The following NLGN1 variants were observed in gnomAD, a reference collection of about 807,000 sequenced individuals.
The protein encoded by NLGN1 is neuroligin-1.
NLGN1 carries 12 observed loss-of-function variants against 65.5 expected under a neutral mutation model. The observed-to-expected ratio is 0.18, with a 90% CI of 0.12 to 0.30. The LOEUF (loss-of-function observed/expected upper bound fraction) is 0.30. Ranked by LOEUF, NLGN1 falls within the 10% of genes least tolerant of loss-of-function variation. NLGN1 has a pLI of 1.00. For missense variants in NLGN1, 750 were observed against 1,007.1 expected, an observed-to-expected ratio of 0.74 and a Z score of 3.46; for synonymous variants, 350 against 359.5, an observed-to-expected ratio of 0.97 and a Z score of 0.30.
At chr3:173,537,311 A>G (rs1341274079) in intron 2 of NLGN1, among the ~76,000 whole-genome samples, 2 of 152,202 alleles carry the variant, frequency 1.3e-5, no homozygotes, top group African/African-American at 4.8e-5. Flanking sequence ...CTATTATACA[A>G]GTCTCCTGCA....
At chr3:173,449,518 G>C (rs1381426593) in intron 2 of NLGN1, among the ~76,000 whole-genome samples, 91 of 145,046 alleles carry the variant, frequency 6.3e-4, no homozygotes, top group South Asian at 2.0e-3. Context: ...GTGGTGTGGT[G>C]CTGAAAAAAA....
intron 2 of NLGN1, among the ~76,000 whole-genome samples, chr3:173,452,487 A>G (rs1457733911): frequency 3.9e-5 from 6 of 151,900 alleles, no homozygotes; most frequent in Non-Finnish European, 2.9e-5. Flanking sequence ...GCCTGGCCTA[A>G]TTTTCTTGCC....
intron 4 of NLGN1, among the ~76,000 whole-genome samples, chr3:174,150,914 A>G (rs1577106193): frequency 6.6e-6 from 1 of 152,080 alleles, no homozygotes; most frequent in Admixed American, 6.6e-5. Context: ...AATTACATCA[A>G]CTACGTCCTC....
intron 4 of NLGN1, among the ~76,000 whole-genome samples, chr3:174,087,016 A>G (rs891474690): frequency 6.6e-6 from 1 of 152,206 alleles, no homozygotes; most frequent in Non-Finnish European, 1.5e-5. Flanking sequence ...AAACTAATAC[A>G]GGAACAGAAA....
chr3:174,078,525 G>A (rs902557599), intron 4 of NLGN1, among the ~76,000 whole-genome samples: 9 of 152,076 alleles, frequency 5.9e-5, no homozygotes, highest in African/African-American at 1.9e-4. Context: ...TTACACAAAA[G>A]TATATAGACA....
intron 4 of NLGN1, among the ~76,000 whole-genome samples, chr3:173,828,511 C>A (rs1192903323): frequency 6.6e-6 from 1 of 152,106 alleles, no homozygotes; most frequent in Non-Finnish European, 1.5e-5. Context: ...GGACACAGAG[C>A]AGCAAACACA....
rs1228810069 is a variant in NLGN1 at position 173,963,228 on chromosome 3, CA to C, written c.646+155397del. Among the ~76,000 whole-genome samples the C allele has an allele frequency of 2.6e-5, 4 of 152,024 alleles. No homozygotes were observed. In the East Asian group the frequency reaches 7.7e-4, roughly 29 times the overall value. Reference sequence around the variant, plus strand: ...TTTTCAATAACAAAGCAATGGGCGCCAGGGGGTGTTGAGTAATTGGATGGAA... The same window carrying C: ...TTTTCAATAACAAAGCAATGGGCGCCGGGGGTGTTGAGTAATTGGATGGAA... On this transcript the variant is annotated intron_variant, in intron 4 of 6. Transcript: ENST00000457714.
chr3:174,109,991 C>T (rs1051145146), intron 4 of NLGN1, among the ~76,000 whole-genome samples: 13 of 152,032 alleles, frequency 8.6e-5, no homozygotes, highest in Admixed American at 7.9e-4. Flanking sequence ...AAACCTAAAT[C>T]ACCATCTTTG....
At chr3:173,499,527 T>C (rs1340882105) in intron 2 of NLGN1, among the ~76,000 whole-genome samples, 2 of 151,890 alleles carry the variant, frequency 1.3e-5, no homozygotes. Flanking sequence ...AGGATTGACT[T>C]GGCAATGCAG....
At chr3:174,088,847 C>G (rs1743975822) in intron 4 of NLGN1, among the ~76,000 whole-genome samples, 3 of 151,484 alleles carry the variant, frequency 2.0e-5, no homozygotes, top group Non-Finnish European at 4.4e-5. Flanking sequence ...CAACAAGGAT[C>G]CAAATATTTC....
intron 5 of NLGN1, 147 bp from the exon 6 acceptor site, chr3:174,278,714 G>A (rs1751040168): frequency 1.6e-6 from 1 of 609,702 alleles, no homozygotes; most frequent in Admixed American, 3.8e-5. Flanking sequence ...TTGGCTTTGT[G>A]TACTTCCCTT....
At chr3:173,420,608 T>A (rs962326038) in intron 1 of NLGN1, among the ~76,000 whole-genome samples, 1 of 152,182 alleles carries the variant, frequency 6.6e-6, no homozygotes, top group African/African-American at 2.4e-5. Flanking sequence ...ATGGGATGAC[T>A]GGGTCAAATG....
intron 2 of NLGN1, among the ~76,000 whole-genome samples, chr3:173,594,989 G>A (rs2173439): frequency 0.87 from 132,797 of 152,064 alleles, 58,070 homozygotes; most frequent in South Asian, 0.93. Flanking sequence ...CCACAAAACC[G>A]TATTTTCCTC....
intron 4 of NLGN1, among the ~76,000 whole-genome samples, chr3:174,171,364 T>C (rs1160263090): frequency 2.0e-5 from 3 of 152,152 alleles, no homozygotes; most frequent in Non-Finnish European, 1.5e-5. Context: ...AAATTAACTA[T>C]AGGACAAAGC....
chr3:173,486,348 C>T (rs1488574701), intron 2 of NLGN1, among the ~76,000 whole-genome samples: 2 of 152,144 alleles, frequency 1.3e-5, no homozygotes, highest in African/African-American at 2.4e-5. Flanking sequence ...AGGATTGAGC[C>T]ACTGCACCCA....
At chr3:173,832,508 G>A (rs992135125) in intron 4 of NLGN1, among the ~76,000 whole-genome samples, 1 of 152,158 alleles carries the variant, frequency 6.6e-6, no homozygotes, top group Non-Finnish European at 1.5e-5. Context: ...GGGGGAGGAT[G>A]TTTGCTAGAA....
At chr3:174,166,959 G>A (rs1727612747) in intron 4 of NLGN1, among the ~76,000 whole-genome samples, 1 of 151,756 alleles carries the variant, frequency 6.6e-6, no homozygotes. Flanking sequence ...TTTTTTTACT[G>A]TTGTTGGTTT....
At chr3:173,829,941 C>A (rs1722164242) in intron 4 of NLGN1, among the ~76,000 whole-genome samples, 1 of 147,916 alleles carries the variant, frequency 6.8e-6, no homozygotes, top group Non-Finnish European at 1.5e-5. Flanking sequence ...CCAAACGTGC[C>A]CTGTTGAGTG....
At chr3:173,909,071 T>G (rs1017566974) in intron 4 of NLGN1, among the ~76,000 whole-genome samples, 3 of 152,120 alleles carry the variant, frequency 2.0e-5, no homozygotes, top group African/African-American at 7.2e-5. Context: ...GGCAAACATT[T>G]GTATTAGAAC....
Sources: allele counts gnomAD v4.1 joint callset (sites outside exome capture counted in the v4.1 genomes callset), GRCh38; gene constraint gnomAD v4.1.1; transcripts MANE v1.5; gene names NCBI Gene and HGNC (gene_info 2026-07-23, HGNC 2026-07-21).